Variants in CNTNAP4 observed in about 807,000 individuals in gnomAD.
CNTNAP4 encodes the protein contactin-associated protein-like 4.
Under a neutral mutation model 148.4 loss-of-function variants are expected in CNTNAP4, and 98 were observed. The observed-to-expected ratio is 0.66, with a 90% confidence interval of 0.56 to 0.78. The LOEUF (loss-of-function observed/expected upper bound fraction) is 0.78. Among genes scored for constraint, CNTNAP4 ranks in the 30% least tolerant of loss-of-function variants. The probability of loss-of-function intolerance (pLI) is 0.00; values close to 1 mark genes in which losing one functional copy is unlikely to be tolerated. For synonymous variants in CNTNAP4, 730 were observed against 565.1 expected (o/e 1.29, Z -4.14); for missense variants, 1,935 against 1,565.6 (o/e 1.24, Z -3.98).
rs148104897 is a variant in CNTNAP4 at position 76,448,916 on chromosome 16, C to T, written c.892C>T (p.Arg298Trp). The T allele has an allele frequency of 1.5e-5, 24 of 1,613,482 alleles. No homozygotes were observed. In the African/African-American group the frequency reaches 1.6e-4, roughly 11 times the overall value. The stretch of plus-strand genomic sequence containing the variant: ...CGAACACAGGCATCATTTCCATGCA[C>T]GGGGAGAATTCAATCTCATGAATCT... ...VDEHRHHFHA[R>W]GEFNLMNLDY... The change falls in exon 6 of 24, where the codon CGG (arginine) becomes TGG (tryptophan). Residue 298 changes from arginine (R) to tryptophan (W), a missense_variant. Coordinates refer to ENST00000611870, the MANE Select transcript of CNTNAP4 (RefSeq NM_033401.5).
chr16:76,521,050 TA>T, intron 15 of CNTNAP4, 89 bp from the exon 16 acceptor site: 1 of 1,260,404 alleles, frequency 7.9e-7, no homozygotes, highest in South Asian at 1.3e-5. Context: ...GCAAAAGTGC[TA>T]AAAATAGAAC....
chr16:76,325,560 A>T (rs531146922), intron 2 of CNTNAP4, among the ~76,000 whole-genome samples: 1 of 152,244 alleles, frequency 6.6e-6, no homozygotes, highest in Non-Finnish European at 1.5e-5. Context: ...AGAAATCTCA[A>T]TGGAAATGAG....
At chr16:76,399,854 T>A (rs917939016) in intron 3 of CNTNAP4, among the ~76,000 whole-genome samples, 2 of 152,218 alleles carry the variant, frequency 1.3e-5, no homozygotes, top group African/African-American at 4.8e-5. Context: ...GAGAGCATGC[T>A]AATTTTTCAA....
rs1023565317 is a variant in CNTNAP4 at position 76,535,415 on chromosome 16, G to A, written c.2756-130G>A. The A allele has an allele frequency of 2.0e-5, 18 of 910,720 alleles. No homozygotes were observed. In the African/African-American group the frequency reaches 2.5e-4, roughly 13 times the overall value. The allele number at this position is 910,720 out of a possible 1,614,324, so 56.4% of individuals were successfully genotyped here. On this transcript the variant is annotated intron_variant, in intron 17 of 23. Transcript: ENST00000611870. ...TGGAGTCTATATTTGACCATGAATT[G>A]TGTTTCCAAAATTATATTTGCTCAT...
rs376304790 is a variant in CNTNAP4 at position 76,423,394 on chromosome 16, A to G, written c.391-4058A>G. Among the ~76,000 whole-genome samples, 5 of 152,178 alleles carry G rather than the reference A, an allele frequency of 3.3e-5. No homozygotes were observed. The East Asian group carries it at 5.8e-4, about 18-fold the overall frequency. ...GACCCTCCCCACAAATTTAGTACAC[A>G]GGTGCAAGATTCGTTTCTAAAGAAA... On this transcript the variant is annotated intron_variant, in intron 3 of 23. Transcript: ENST00000611870.
intron 15 of CNTNAP4, among the ~76,000 whole-genome samples, chr16:76,498,906 A>T (rs1394326507): frequency 6.6e-6 from 1 of 152,178 alleles, no homozygotes; most frequent in Non-Finnish European, 1.5e-5. Flanking sequence ...TGGGGACAGG[A>T]AAGAATGGGA....
chr16:76,459,548 A>T (rs1460817260), intron 8 of CNTNAP4, among the ~76,000 whole-genome samples: 2 of 152,192 alleles, frequency 1.3e-5, no homozygotes, highest in Non-Finnish European at 2.9e-5. Context: ...GTAATCACCT[A>T]AGGGAGTTTT....
At chr16:76,281,802 G>C (rs1351494756) in intron 1 of CNTNAP4, among the ~76,000 whole-genome samples, 1 of 151,480 alleles carries the variant, frequency 6.6e-6, no homozygotes, top group African/African-American at 2.4e-5. Context: ...TCCATTTTTA[G>C]CTGAAAAAAA....
chr16:76,329,751 T>C (rs1212108447), intron 2 of CNTNAP4, among the ~76,000 whole-genome samples: 1 of 152,212 alleles, frequency 6.6e-6, no homozygotes, highest in Non-Finnish European at 1.5e-5. Flanking sequence ...TAATTAATAG[T>C]AACAGTATAA....
intron 20 of CNTNAP4, 74 bp downstream of exon 20, chr16:76,539,926 A>T (rs185278308): frequency 9.0e-7 from 1 of 1,109,154 alleles, no homozygotes; most frequent in South Asian, 1.6e-5. Flanking sequence ...CAGAAATTTG[A>T]TAATGAACAC....
At chr16:76,283,235 T>C (rs543036444) in intron 1 of CNTNAP4, among the ~76,000 whole-genome samples, 4 of 152,128 alleles carry the variant, frequency 2.6e-5, no homozygotes, top group Admixed American at 2.0e-4. Flanking sequence ...TTTAAAGCTA[T>C]TCTACTTCAG....
At chr16:76,423,675 C>T (rs1404939075) in intron 3 of CNTNAP4, among the ~76,000 whole-genome samples, 1 of 152,106 alleles carries the variant, frequency 6.6e-6, no homozygotes, top group Non-Finnish European at 1.5e-5. Flanking sequence ...ATGCATCATT[C>T]ACAAACATTC....
intron 4 of CNTNAP4, among the ~76,000 whole-genome samples, chr16:76,428,876 C>A (rs144268839): frequency 6.6e-6 from 1 of 151,988 alleles, no homozygotes; most frequent in Non-Finnish European, 1.5e-5. Flanking sequence ...AAAATAGCCC[C>A]GATAAATATT....
chr16:76,439,332 TG>T (rs2079951896), intron 4 of CNTNAP4, among the ~76,000 whole-genome samples: 1 of 64,618 alleles, frequency 1.5e-5, no homozygotes, highest in Non-Finnish European at 4.5e-5. Context: ...TGATTTCAAG[TG>T]TTGTTATTAT....
At chr16:76,524,265 A>C (rs1794175466) in intron 17 of CNTNAP4, among the ~76,000 whole-genome samples, 1 of 152,170 alleles carries the variant, frequency 6.6e-6, no homozygotes, top group African/African-American at 2.4e-5. Context: ...AATAATAAAG[A>C]ATGTATGAGA....
intron 3 of CNTNAP4, among the ~76,000 whole-genome samples, chr16:76,364,233 C>CAAAAAAAAAAAAA (rs58589609): frequency 1.0e-4 from 5 of 48,180 alleles, no homozygotes; most frequent in Non-Finnish European, 1.4e-4. Flanking sequence ...GATTCCATCT[C>CAAAAAAAAAAAAA]AAAAAAAAAA....
At chr16:76,458,264 G>A (rs1307844122) in intron 8 of CNTNAP4, among the ~76,000 whole-genome samples, 3 of 152,078 alleles carry the variant, frequency 2.0e-5, no homozygotes, top group Admixed American at 1.3e-4. Context: ...ATACGTGAAT[G>A]CAGGCATCTT....
chr16:76,308,537 G>T (rs547334068), intron 1 of CNTNAP4, among the ~76,000 whole-genome samples: 4 of 152,298 alleles, frequency 2.6e-5, no homozygotes, highest in East Asian at 1.9e-4. Flanking sequence ...CACCACAAAA[G>T]TTCCTTCAGT....
chr16:76,504,395 T>C (rs115252768), intron 15 of CNTNAP4, among the ~76,000 whole-genome samples: 152 of 150,142 alleles, frequency 1.0e-3, no homozygotes, highest in African/African-American at 3.5e-3. Context: ...TCGAATCCAA[T>C]TGAAAAAGAA....
Sources: allele counts gnomAD v4.1 joint callset (sites outside exome capture counted in the v4.1 genomes callset), GRCh38; gene constraint gnomAD v4.1.1; transcripts MANE v1.5; gene names NCBI Gene and HGNC (gene_info 2026-07-23, HGNC 2026-07-21).